Variants in SLC22A14 observed in about 807,000 individuals in gnomAD.
SLC22A14 encodes the protein solute carrier family 22 member 14.
A neutral mutation model predicts 53.9 loss-of-function variants in SLC22A14; 50 were observed. The observed-to-expected ratio is 0.93, with a 90% CI of 0.74 to 1.17. The LOEUF is 1.17. Among genes scored for constraint, SLC22A14 ranks in the 50% most tolerant of loss-of-function variants. SLC22A14 has a pLI of 0.00. For synonymous variants in SLC22A14, 312 were observed against 303.0 expected, an observed-to-expected ratio of 1.03 and a Z score of -0.31; for missense variants, 671 against 734.7, an observed-to-expected ratio of 0.91 and a Z score of 1.00.
upstream of SLC22A14, among the ~76,000 whole-genome samples, chr3:38,279,816 G>C (rs960361124): frequency 6.6e-6 from 1 of 152,136 alleles, no homozygotes; most frequent in Admixed American, 6.5e-5. Flanking sequence ...CTCCTCAAAG[G>C]TTACGGCAAT....
chr3:38,314,100 C>A (rs1485483182), intron 8 of SLC22A14, among the ~76,000 whole-genome samples, 159 bp downstream of exon 8: 4 of 152,016 alleles, frequency 2.6e-5, no homozygotes, highest in Non-Finnish European at 4.4e-5. Context: ...CACCTCCAAT[C>A]CCTGGAGCAC....
Position 38,315,684 on chromosome 3 carries a change from C to G in SLC22A14, c.1505C>G (p.Thr502Ser). Residue 502 changes from threonine (T) to serine (S), a missense_variant, in exon 9 of 11, where the codon ACC becomes AGC. Coordinates refer to ENST00000448498, the MANE Select transcript of SLC22A14 (RefSeq NM_001320033.2). ...AATVTVFFLY[T>S]AELLPTVLRA... ...ACTGTCACTGTGTTCTTCCTCTACA[C>G]CGCTGAGCTCCTCCCCACTGTGCTC... 6.2e-7 allele frequency: 1 copy of G among 1,613,978 alleles called. No individual in the cohort carries two copies. Among genetic ancestry groups the G allele is most frequent in the Non-Finnish European group, 8.5e-7 (1 of 1,180,010 alleles).
rs745928392 is a variant in SLC22A14 at position 38,316,294 on chromosome 3, C to T, written c.1533-30C>T. On this transcript the variant is annotated intron_variant, in intron 9 of 10. Transcript: ENST00000448498. ...GCCCAGCCTCTGAACCCGGCAGACCCCTCACAGGAGCTCTCACCTCCACTT... is the reference window on the plus strand; with the variant it reads ...GCCCAGCCTCTGAACCCGGCAGACCTCTCACAGGAGCTCTCACCTCCACTT... 3 of 1,608,952 alleles carry T rather than the reference C, an allele frequency of 1.9e-6. No individual in the cohort carries two copies. In the African/African-American group the frequency reaches 4.0e-5, roughly 22 times the overall value.
intron 7 of SLC22A14, 118 bp from the exon 8 acceptor site, chr3:38,313,607 CTG>C: frequency 1.1e-6 from 1 of 951,234 alleles, no homozygotes; most frequent in Non-Finnish European, 1.7e-6. Context: ...TCACAGGTCT[CTG>C]TGCTTATTTC....
chr3:38,318,232 T>C lies in SLC22A14; in HGVS notation c.1768T>C (p.Ser590Pro), dbSNP rs1466012705. ...CAAGGACATGAAGACTAAGGAAACA[T>C]CATCTGATGATGTCTGAGGAAGCGG... ...KVKDMKTKET[S>P]SDDV The change falls in exon 11 of 11, where the codon TCA becomes CCA. Residue 590 changes from serine (S) to proline (P), a missense_variant. By Grantham distance (74) the Ser-to-Pro change is moderately conservative (BLOSUM62 -1). Transcript: ENST00000448498. 2.5e-6 allele frequency: 4 copies of C among 1,613,948 alleles called. No individual in the cohort carries two copies. In the African/African-American group the frequency reaches 5.3e-5, roughly 22 times the overall value.
intron 1 of SLC22A14, among the ~76,000 whole-genome samples, chr3:38,288,502 A>G (rs1703838639): frequency 6.6e-6 from 1 of 152,208 alleles, no homozygotes; most frequent in Non-Finnish European, 1.5e-5. Context: ...TTTAGGGACC[A>G]TCATACTGTT....
chr3:38,287,619 C>A (rs2125870841), intron 1 of SLC22A14, among the ~76,000 whole-genome samples: 1 of 152,252 alleles, frequency 6.6e-6, no homozygotes, highest in South Asian at 2.1e-4. Flanking sequence ...ATTCATATAA[C>A]TTTATAATAA....
At chr3:38,310,985 G>T (rs1386208015) in intron 5 of SLC22A14, among the ~76,000 whole-genome samples, 1 of 152,162 alleles carries the variant, frequency 6.6e-6, no homozygotes, top group African/African-American at 2.4e-5. Flanking sequence ...TCACTGTCTG[G>T]AATACCAGGA....
chr3:38,315,641 G>C lies in SLC22A14; in HGVS notation c.1462G>C (p.Glu488Gln). The change falls in exon 9 of 11, where the codon GAG becomes CAG. Residue 488 changes from glutamate to glutamine, a missense_variant. Transcript: ENST00000448498. ...SMTILVLMLREFSLAATVTVF... is the reference protein window; with the variant it reads ...SMTILVLMLRQFSLAATVTVF... ...GACGATCTTGGTGCTCATGCTCAGA[G>C]AGTTCAGCCTGGCCGCCACTGTCAC... 1 of 1,614,152 alleles carries C rather than the reference G, an allele frequency of 6.2e-7. No homozygotes were observed.
At chr3:38,311,605 CTT>C (rs1213277117) in intron 5 of SLC22A14, among the ~76,000 whole-genome samples, 1 of 150,712 alleles carries the variant, frequency 6.6e-6, no homozygotes, top group South Asian at 2.1e-4. Flanking sequence ...ACCCTCAACA[CTT>C]TGCTTAGGGA....
intron 7 of SLC22A14, 44 bp from the exon 8 acceptor site, chr3:38,313,683 T>TGTGTGTGTGTGTGTGTGCGC: frequency 4.1e-6 from 3 of 737,122 alleles, no homozygotes; most frequent in Non-Finnish European, 6.0e-6. Flanking sequence ...GCTCCGTGTG[T>TGTGTGTGTGTGTGTGTGCGC]GTGCGCGCGT....
At chr3:38,299,328 C>A (rs1704110091) in intron 1 of SLC22A14, among the ~76,000 whole-genome samples, 1 of 152,152 alleles carries the variant, frequency 6.6e-6, no homozygotes, top group Non-Finnish European at 1.5e-5. Flanking sequence ...TTATTTTCAC[C>A]CATTCCCACC....
intron 1 of SLC22A14, among the ~76,000 whole-genome samples, chr3:38,298,423 CATCTATCTATCTATCT>C (rs60379934): frequency 4.4e-4 from 65 of 146,492 alleles, no homozygotes; most frequent in Middle Eastern, 3.4e-3. Flanking sequence ...CTTGCACACA[CATCTATCTATCTATCT>C]ATCTATCTAT....
rs748915002 is a variant in SLC22A14 at position 38,306,199 on chromosome 3, C to T, written c.173C>T (p.Ala58Val). 2.9e-5 allele frequency: 47 copies of T among 1,613,998 alleles called. No individual in the cohort carries two copies. The highest frequency in any genetic ancestry group is 4.0e-5 in the African/African-American group (3 of 74,910). Residue 58 changes from alanine (A) to valine (V), a missense_variant, in exon 2 of 11, where the codon GCG becomes GTG. Ala to Val is a moderately conservative substitution (Grantham distance 64). Coordinates refer to ENST00000448498, the MANE Select transcript of SLC22A14 (RefSeq NM_001320033.2). ...QDDKFANLLD[A>V]VGEFGTFQQR... ...GACAAGTTTGCCAACCTCCTGGATG[C>T]GGTGGGGGAGTTTGGCACATTCCAG...
chr3:38,315,490 G>C (rs1238560199), intron 8 of SLC22A14, 68 bp from the exon 9 acceptor site: 40 of 1,508,574 alleles, frequency 2.7e-5, no homozygotes, highest in Non-Finnish European at 3.3e-5. Flanking sequence ...GGTGGGGAAG[G>C]CTGTTCAGAT....
chr3:38,301,714 TAA>T (rs1345117210), intron 1 of SLC22A14, among the ~76,000 whole-genome samples: 1 of 151,994 alleles, frequency 6.6e-6, no homozygotes, highest in Non-Finnish European at 1.5e-5. Flanking sequence ...CCTCTGATTT[TAA>T]AAGGGATACT....
intron 8 of SLC22A14, 128 bp from the exon 9 acceptor site, chr3:38,315,430 C>A: frequency 1.0e-6 from 1 of 991,874 alleles, no homozygotes; most frequent in Non-Finnish European, 1.5e-6. Context: ...CTCTGACAAC[C>A]TGCCACTCCT....
chr3:38,312,994 C>G lies in SLC22A14; in HGVS notation c.945-5C>G, dbSNP rs750123665. 2.0e-5 allele frequency: 32 copies of G among 1,575,910 alleles called. No individual in the cohort carries two copies. Among genetic ancestry groups the G allele is most frequent in the African/African-American group, 4.0e-5 (3 of 74,618 alleles). On this transcript the variant is annotated splice_polypyrimidine_tract_variant and splice_region_variant and intron_variant, in intron 5 of 10. Coordinates refer to ENST00000448498, the MANE Select transcript of SLC22A14 (RefSeq NM_001320033.2). Reference sequence around the variant, plus strand: ...GGTGAGATAAGAGAGGGGCTGGCCACGCAGGATTCTCCCGGAGTCCCCGCG... The same window carrying G: ...GGTGAGATAAGAGAGGGGCTGGCCAGGCAGGATTCTCCCGGAGTCCCCGCG...
chr3:38,286,705 C>T lies in SLC22A14; in HGVS notation c.-1+4366C>T, dbSNP rs183355244. 2.6e-3 allele frequency among the ~76,000 whole-genome samples: 384 copies of T among 149,068 alleles called. 1 individual carries two copies. Among genetic ancestry groups the T allele is most frequent in the Non-Finnish European group, 4.0e-3 (267 of 67,494 alleles). ...GGGATTACAGGCGTGAGCCACCGTG[C>T]CTGGCCCTGATTTGTGTGGGTTTTT... On this transcript the variant is annotated intron_variant, in intron 1 of 10. Transcript: ENST00000448498.
Sources: allele counts gnomAD v4.1 joint callset (sites outside exome capture counted in the v4.1 genomes callset), GRCh38; gene constraint gnomAD v4.1.1; transcripts MANE v1.5; gene names NCBI Gene and HGNC (gene_info 2026-07-23, HGNC 2026-07-21).